Variants in PPP6C observed in about 807,000 individuals in gnomAD.
PPP6C encodes the protein serine/threonine-protein phosphatase 6 catalytic subunit.
A neutral mutation model predicts 39.8 loss-of-function variants in PPP6C; 11 were observed. That is an observed-to-expected ratio of 0.28 (90% confidence interval 0.17 to 0.46). The LOEUF (loss-of-function observed/expected upper bound fraction) is 0.46, where lower values mean the gene tolerates loss of function less well. PPP6C is among the 20% of genes least tolerant of loss of function. PPP6C has a pLI of 1.00. For missense variants in PPP6C, 211 were observed against 373.9 expected, an observed-to-expected ratio of 0.56 and a Z score of 3.59; for synonymous variants, 129 against 130.3, an observed-to-expected ratio of 0.99 and a Z score of 0.07.
intron 6 of PPP6C, chr9:125,151,017 CA>C: frequency 7.3e-7 from 1 of 1,374,844 alleles, no homozygotes; most frequent in Non-Finnish European, 1.0e-6. Context: ...ATCATATTAT[CA>C]CCATGGACCT....
chr9:125,186,023 T>A (rs1200085074), intron 1 of PPP6C, among the ~76,000 whole-genome samples: 1 of 152,112 alleles, frequency 6.6e-6, no homozygotes, highest in Non-Finnish European at 1.5e-5. Context: ...ACTAGTGATG[T>A]GACCATTTCC....
Position 125,153,538 on chromosome 9 carries a change from T to G in PPP6C, c.664A>C (p.Asn222His). Residue 222 changes from asparagine to histidine, a missense_variant, in exon 6 of 7, where the codon AAT (asparagine) becomes CAT (histidine). Around this residue, in one of 2 missense-constraint regions of PPP6C, gnomAD observed 168 missense variants for 342.6 expected, o/e 0.49. Coordinates refer to ENST00000373547, the MANE Select transcript of PPP6C (RefSeq NM_002721.5). ...TCCAAAAATGTTGGCTTTACCTCAT[T>G]TGTGACCTTTGCTCCAAAAAGCCAA... is the stretch of plus-strand genomic sequence containing the variant. ...AGWLFGAKVTNEFVHINNLKL... is the reference protein window; with the variant it reads ...AGWLFGAKVTHEFVHINNLKL... The G allele has an allele frequency of 6.2e-7, 1 of 1,614,076 alleles. No individual in the cohort carries two copies. The highest frequency in any genetic ancestry group is 8.5e-7 in the Non-Finnish European group (1 of 1,179,958).
At position 125,189,566 on chromosome 9, in the gene PPP6C, C is replaced by T. The variant is rs574371672; in HGVS notation, c.75+78G>A. On this transcript the variant is annotated intron_variant, in intron 1 of 6. Transcript: ENST00000373547. The stretch of plus-strand genomic sequence containing the variant: ...CACCGCGACTGGACTGGATACCCGG[C>T]GGGGGTCCTGGAGAAAGGAAGGGCC... 1,106 of 1,598,628 alleles carry T rather than the reference C, an allele frequency of 6.9e-4. 14 individuals carry two copies. The South Asian group carries it at 8.8e-3, about 13-fold the overall frequency.
In PPP6C at chr9:125,149,616, A is replaced by C; in HGVS notation, c.*57T>G. ...AAAAGTATATTGTAGAGGGTAATAC[A>C]AGAAAATTGGGGTAAGAAGAGGGCA... is the stretch of plus-strand genomic sequence containing the variant. On this transcript the variant is annotated 3_prime_UTR_variant, in exon 7 of 7. Transcript: ENST00000373547. 6.3e-7 allele frequency: 1 copy of C among 1,577,024 alleles called. No homozygotes were observed. Among genetic ancestry groups the C allele is most frequent in the Non-Finnish European group, 8.7e-7 (1 of 1,155,876 alleles).
At chr9:125,159,341 G>C (rs895247512) in intron 3 of PPP6C, among the ~76,000 whole-genome samples, 1 of 150,696 alleles carries the variant, frequency 6.6e-6, no homozygotes, top group Admixed American at 6.6e-5. Flanking sequence ...GAGCCACTGC[G>C]CCCGGCCAAG....
At position 125,187,766 on chromosome 9, in the gene PPP6C, G is replaced by A. The variant is rs1244191681; in HGVS notation, c.75+1878C>T. On this transcript the variant is annotated intron_variant, in intron 1 of 6. Coordinates refer to ENST00000373547, the MANE Select transcript of PPP6C (RefSeq NM_002721.5). ...CATGAATTGGGTCCCAATGCTAGTT[G>A]TATTCTTATTCCCTTAAAAAAACCA... 4.6e-5 allele frequency among the ~76,000 whole-genome samples: 7 copies of A among 151,836 alleles called. No homozygotes were observed. In the East Asian group the frequency reaches 1.2e-3, roughly 25 times the overall value.
At chr9:125,155,978 A>G (rs963519895) in intron 4 of PPP6C, among the ~76,000 whole-genome samples, 3 of 151,782 alleles carry the variant, frequency 2.0e-5, no homozygotes, top group African/African-American at 4.8e-5. Context: ...TACATGTAGC[A>G]TTAGTTACAT....
At chr9:125,171,051 T>C (rs753566089) in intron 2 of PPP6C, 34 bp downstream of exon 2, 4 of 1,438,576 alleles carry the variant, frequency 2.8e-6, no homozygotes, top group Middle Eastern at 3.6e-4. Context: ...TCATGGACAG[T>C]ACAAAACTTA....
intron 2 of PPP6C, among the ~76,000 whole-genome samples, chr9:125,165,548 ATAGAACATGGCTAGTCT>A (rs61354030): frequency 0.23 from 35,624 of 152,094 alleles, 4,695 homozygotes; most frequent in Non-Finnish European, 0.3. Context: ...GTCTGGCTAA[ATAGAACATGGCTAGTCT>A]TAGAACTTGC....
At position 125,148,893 on chromosome 9, in the gene PPP6C, A is replaced by C. The variant is rs1299320114; in HGVS notation, c.*780T>G. The C allele has an allele frequency of 3.3e-5, 5 of 152,180 alleles. No individual in the cohort carries two copies. The highest frequency in any genetic ancestry group is 5.9e-5 in the Non-Finnish European group (4 of 68,024). The allele number at this position is 152,180 out of a possible 1,614,324, so 9.4% of individuals were successfully genotyped here. On this transcript the variant is annotated 3_prime_UTR_variant, in exon 7 of 7. Transcript: ENST00000373547. ...CTATTGAATTTCAATTGAAGTTTTA[A>C]ACTCAATAACCAAAGGGTCAAGAAC...
At chr9:125,183,975 T>C (rs1023326686) in intron 1 of PPP6C, among the ~76,000 whole-genome samples, 1 of 152,184 alleles carries the variant, frequency 6.6e-6, no homozygotes, top group Admixed American at 6.6e-5. Flanking sequence ...TAAGTGTTTG[T>C]TGGCTGGGCA....
Position 125,149,918 on chromosome 9 carries a change from C to G in PPP6C, c.673G>C (p.Val225Leu), listed in dbSNP as rs762441147. The change falls in exon 7 of 7, where the codon GTT becomes CTT. Residue 225 changes from valine (V) to leucine (L), a missense_variant. Val to Leu is a conservative substitution (Grantham distance 32, BLOSUM62 1). This residue lies in a region of PPP6C where 168 missense variants were observed against 342.6 expected (regional missense o/e 0.49). Transcript: ENST00000373547. Reference sequence around the variant, plus strand: ...ATGAGTTTTAAGTTGTTGATATGAACAAACTGCAATTTAGAAAGGCACTGT... The same window carrying G: ...ATGAGTTTTAAGTTGTTGATATGAAGAAACTGCAATTTAGAAAGGCACTGT... ...LFGAKVTNEF[V>L]HINNLKLICR... is the part of the protein sequence containing the mutation. 6.2e-7 allele frequency: 1 copy of G among 1,612,702 alleles called. No homozygotes were observed. The highest frequency in any genetic ancestry group is 1.1e-5 in the South Asian group (1 of 91,028).
At chr9:125,168,387 C>T (rs1290460258) in intron 2 of PPP6C, among the ~76,000 whole-genome samples, 3 of 152,178 alleles carry the variant, frequency 2.0e-5, no homozygotes, top group Non-Finnish European at 4.4e-5. Context: ...CCAAAGGATA[C>T]ATTTTACATT....
Position 125,147,991 on chromosome 9 carries a change from C to G in PPP6C, c.*1682G>C, listed in dbSNP as rs1835849635. 5.4e-6 allele frequency: 1 copy of G among 186,146 alleles called. No homozygotes were observed. The highest frequency in any genetic ancestry group is 1.1e-5 in the Non-Finnish European group (1 of 88,748). The allele number at this position is 186,146 out of a possible 1,614,324, so 11.5% of individuals were successfully genotyped here. ...CGAAGCTACTGACCCAACATTAGTT[C>G]AAGTGTGTGCAGCAAATGTCTTAGC... On this transcript the variant is annotated 3_prime_UTR_variant, in exon 7 of 7. Transcript: ENST00000373547.
At chr9:125,170,706 CAGG>C (rs1301280780) in intron 2 of PPP6C, among the ~76,000 whole-genome samples, 1 of 152,128 alleles carries the variant, frequency 6.6e-6, no homozygotes, top group Non-Finnish European at 1.5e-5. Flanking sequence ...CAATATATGA[CAGG>C]AGAACAGAAA....
intron 1 of PPP6C, among the ~76,000 whole-genome samples, chr9:125,175,848 G>C (rs1170168187): frequency 6.6e-6 from 1 of 152,078 alleles, no homozygotes; most frequent in Non-Finnish European, 1.5e-5. Context: ...TAGATACAAA[G>C]TAAATAGCAA....
chr9:125,168,832 T>TCACTGCATGATCTCGGC (rs1564152963), intron 2 of PPP6C, among the ~76,000 whole-genome samples: 1 of 147,172 alleles, frequency 6.8e-6, no homozygotes, highest in Admixed American at 6.8e-5. Flanking sequence ...ATGATCTCGG[T>TCACTGCATGATCTCGGC]TCACTGCAAC....
At chr9:125,164,649 T>G (rs1191862956) in intron 2 of PPP6C, among the ~76,000 whole-genome samples, 1 of 152,052 alleles carries the variant, frequency 6.6e-6, no homozygotes, top group Non-Finnish European at 1.5e-5. Flanking sequence ...ATTGCCCAGG[T>G]TGGTCTCAAA....
intron 6 of PPP6C, among the ~76,000 whole-genome samples, chr9:125,151,921 T>C (rs989584332): frequency 1.1e-4 from 17 of 152,234 alleles, no homozygotes; most frequent in Admixed American, 1.1e-3. Flanking sequence ...CAGACTACTC[T>C]GCATGTGAAT....
Sources: allele counts gnomAD v4.1 joint callset (sites outside exome capture counted in the v4.1 genomes callset), GRCh38; gene constraint gnomAD v4.1.1; regional missense constraint gnomAD v4.1.1; transcripts MANE v1.5; gene names NCBI Gene and HGNC (gene_info 2026-07-23, HGNC 2026-07-21).